Variants in CIT observed in about 807,000 individuals in gnomAD.
The protein encoded by CIT is citron Rho-interacting kinase.
Under a neutral mutation model 272.7 loss-of-function variants are expected in CIT, and 79 were observed. The ratio of observed to expected loss-of-function variants is 0.29; its 90% CI spans 0.24 to 0.35. The LOEUF (loss-of-function observed/expected upper bound fraction) is 0.35. CIT is among the 10% of genes least tolerant of loss of function. The pLI, the probability that CIT is intolerant of heterozygous loss-of-function variation, is 1.00. For synonymous variants in CIT, 948 were observed against 995.6 expected (o/e 0.95, Z 0.90); for missense variants, 1,909 against 2,618.3 (o/e 0.73, Z 5.91).
At chr12:119,759,075 G>C (rs1961398749) in intron 20 of CIT, among the ~76,000 whole-genome samples, 2 of 152,256 alleles carry the variant, frequency 1.3e-5, no homozygotes, top group Admixed American at 1.3e-4. Flanking sequence ...CTCCTCGAGG[G>C]TTGTCATTTT....
intron 4 of CIT, among the ~76,000 whole-genome samples, chr12:119,854,049 G>A (rs774011430): frequency 1.1e-4 from 17 of 150,742 alleles, no homozygotes; most frequent in Non-Finnish European, 2.2e-4. Context: ...TTTTTGAGAC[G>A]GAGTGTTCGC....
chr12:119,864,013 C>A (rs1665949993), intron 3 of CIT, among the ~76,000 whole-genome samples: 1 of 151,902 alleles, frequency 6.6e-6, no homozygotes, highest in African/African-American at 2.4e-5. Context: ...CAATGAATTT[C>A]TATTGTTTAT....
chr12:119,784,612 G>A lies in CIT; in HGVS notation c.1401+348C>T. 8.4e-7 allele frequency: 1 copy of A among 1,196,472 alleles called. No homozygotes were observed. The highest frequency in any genetic ancestry group is 1.0e-6 in the Non-Finnish European group (1 of 957,798). The allele number at this position is 1,196,472 out of a possible 1,614,324, so 74.1% of individuals were successfully genotyped here. Reference sequence around the variant, plus strand: ...ATAAGCAGGAGTTTTAAAAGACTAGGAAGAGAGACTTCGCATCACTCAAAG... The same window carrying A: ...ATAAGCAGGAGTTTTAAAAGACTAGAAAGAGAGACTTCGCATCACTCAAAG... On this transcript the variant is annotated intron_variant, in intron 11 of 47. Transcript: ENST00000392521. The surrounding 1 kb of genome is among the most constrained non-coding windows in gnomAD (Gnocchi z 4.7).
At chr12:119,850,400 G>C (rs779132937) in intron 4 of CIT, 125 bp from the exon 5 acceptor site, 1 of 409,896 alleles carries the variant, frequency 2.4e-6, no homozygotes, top group Non-Finnish European at 4.2e-6. Context: ...GCAAAGGAAA[G>C]AAGGGAAAAG....
chr12:119,793,550 A>G (rs1173940262), intron 10 of CIT, among the ~76,000 whole-genome samples: 1 of 152,212 alleles, frequency 6.6e-6, no homozygotes, highest in Non-Finnish European at 1.5e-5. Context: ...GTCCATACCT[A>G]AAGGCCCTGA....
chr12:119,854,743 G>A (rs997983165), intron 4 of CIT, among the ~76,000 whole-genome samples: 1 of 151,862 alleles, frequency 6.6e-6, no homozygotes, highest in African/African-American at 2.4e-5. Flanking sequence ...AAGGTCAGGA[G>A]TTCGAGACCA....
rs1966359078 is a variant in CIT at position 119,803,243 on chromosome 12, A to G, written c.1258T>C (p.Ser420Pro). The stretch of plus-strand genomic sequence containing the variant: ...AGAATCCCCAGTGCCTTGCTGTACG[A>G]AAACCCCACAAACGGCAGTTCTTCA... ...SGEELPFVGF[S>P]YSKALGILGR... Residue 420 changes from serine to proline, a missense_variant, in exon 10 of 48, where the codon TCG becomes CCG. This residue lies in a region of CIT where 529 missense variants were observed against 549.6 expected (regional missense o/e 0.96). Coordinates refer to ENST00000392521, the MANE Select transcript of CIT (RefSeq NM_001206999.2). 3 of 1,598,260 alleles carry G rather than the reference A, an allele frequency of 1.9e-6. No individual in the cohort carries two copies. The highest frequency in any genetic ancestry group is 2.6e-6 in the Non-Finnish European group (3 of 1,174,368).
chr12:119,873,197 A>G (rs1298229390), intron 2 of CIT, among the ~76,000 whole-genome samples: 1 of 151,950 alleles, frequency 6.6e-6, no homozygotes, highest in East Asian at 1.9e-4. Context: ...TGCCAGACAC[A>G]TTGGAAGCCA....
rs1235103226 is a variant in CIT, at chr12:119,775,675, C to T, written c.1941+111G>A. 1.8e-5 allele frequency: 14 copies of T among 779,740 alleles called. No homozygotes were observed. In the Middle Eastern group the frequency reaches 9.4e-4, roughly 52 times the overall value. 48.3% of individuals were successfully genotyped at this position (779,740 alleles called of 1,614,324 possible). A position where few individuals can be genotyped will look rare whatever the true frequency, so the allele number is the denominator to read the frequency against. On this transcript the variant is annotated intron_variant, in intron 16 of 47. Coordinates refer to ENST00000392521, the MANE Select transcript of CIT (RefSeq NM_001206999.2). Reference sequence around the variant, plus strand: ...CTCACTCCCCCTTCATTTTCCTCAGCGCTGGGTGACTAATTCTGTTTCTTT... The same window carrying T: ...CTCACTCCCCCTTCATTTTCCTCAGTGCTGGGTGACTAATTCTGTTTCTTT...
chr12:119,704,735 A>C (rs1292398328), intron 40 of CIT, among the ~76,000 whole-genome samples: 1 of 152,170 alleles, frequency 6.6e-6, no homozygotes, highest in African/African-American at 2.4e-5. Context: ...TCGAGAACCA[A>C]GGCTTTACCT....
chr12:119,701,566 CATGGGTCCCTA>C, intron 43 of CIT, 47 bp downstream of exon 43: 1 of 1,589,268 alleles, frequency 6.3e-7, no homozygotes, highest in Non-Finnish European at 8.6e-7. Flanking sequence ...TCCAACCCCT[CATGGGTCCCTA>C]GTGTCCATGA....
intron 19 of CIT, among the ~76,000 whole-genome samples, chr12:119,766,488 G>A (rs1048274026): frequency 2.0e-5 from 3 of 152,314 alleles, no homozygotes; most frequent in Non-Finnish European, 4.4e-5. Flanking sequence ...GTTGGGAAGC[G>A]TAGAAGGGGT....
intron 37 of CIT, among the ~76,000 whole-genome samples, chr12:119,711,631 G>A (rs960973142): frequency 6.6e-6 from 1 of 152,168 alleles, no homozygotes; most frequent in African/African-American, 2.4e-5. Flanking sequence ...CACCAGAGTA[G>A]GCTACTGATG....
intron 5 of CIT, among the ~76,000 whole-genome samples, chr12:119,848,389 G>C (rs911173246): frequency 6.6e-6 from 1 of 152,088 alleles, no homozygotes; most frequent in East Asian, 1.9e-4. Flanking sequence ...TTTCTCTTAC[G>C]TGAGCCTGTT....
intron 32 of CIT, among the ~76,000 whole-genome samples, chr12:119,717,419 C>CTTT (rs60611060): frequency 0.016 from 873 of 54,184 alleles, 21 homozygotes; most frequent in African/African-American, 0.043. Context: ...CTTTTCTTTT[C>CTTT]TTTTTTTTTT....
chr12:119,730,930 C>T (rs745668646), intron 26 of CIT, among the ~76,000 whole-genome samples: 1 of 152,112 alleles, frequency 6.6e-6, no homozygotes, highest in Non-Finnish European at 1.5e-5. Context: ...GAGTTCAAGA[C>T]CAGCCTGGCC....
chr12:119,818,717 C>T (rs936776342), intron 9 of CIT, among the ~76,000 whole-genome samples: 2 of 152,144 alleles, frequency 1.3e-5, no homozygotes, highest in East Asian at 1.9e-4. Flanking sequence ...CCATGTCAGA[C>T]GCAACAGACC....
intron 5 of CIT, among the ~76,000 whole-genome samples, chr12:119,849,747 G>A (rs936824591): frequency 2.0e-5 from 3 of 149,872 alleles, no homozygotes; most frequent in Middle Eastern, 3.2e-3. Context: ...GTGCAGTGGC[G>A]CAATCTCGGC....
chr12:119,776,823 T>C lies in CIT; in HGVS notation c.1685A>G (p.Glu562Gly), dbSNP rs1309175625. Reference sequence around the variant, plus strand: ...CTGATTCATCATCAACCTCATTTCTTCCACTTGAGCCTGGTACTCCTAAAG... The same window carrying C: ...CTGATTCATCATCAACCTCATTTCTCCCACTTGAGCCTGGTACTCCTAAAG... ...IKEQEYQAQV[E>G]EMRLMMNQLE... The change falls in exon 14 of 48, where the codon GAA (glutamate) becomes GGA (glycine). Residue 562 changes from glutamate to glycine, a missense_variant. By Grantham distance (98) the Glu-to-Gly change is moderately conservative. Coordinates refer to ENST00000392521, the MANE Select transcript of CIT (RefSeq NM_001206999.2). The C allele has an allele frequency of 6.2e-7, 1 of 1,613,924 alleles. No individual in the cohort carries two copies. The highest frequency in any genetic ancestry group is 2.2e-5 in the East Asian group (1 of 44,860).
Sources: gnomAD v4.1 joint callset for allele counts (sites outside exome capture counted in the v4.1 genomes callset) on GRCh38, gnomAD v4.1.1 for gene constraint, gnomAD v4.1.1 regional missense constraint, Gnocchi (gnomAD v3.1) non-coding constraint, MANE v1.5 for transcripts, NCBI Gene and HGNC (gene_info 2026-07-23, HGNC 2026-07-21) for gene names.